Variants in CRB1 observed in about 807,000 individuals in gnomAD.
CRB1 encodes crumbs cell polarity complex component 1.
Under a neutral mutation model 120.0 loss-of-function variants are expected in CRB1, and 83 were observed. The observed-to-expected ratio is 0.69, with a 90% confidence interval of 0.58 to 0.83. The LOEUF (loss-of-function observed/expected upper bound fraction) is 0.83. CRB1 is among the 40% of genes least tolerant of loss of function. CRB1 has a pLI of 0.00. For synonymous variants in CRB1, 625 were observed against 612.5 expected (o/e 1.02, Z -0.30); for missense variants, 1,699 against 1,687.6 (o/e 1.01, Z -0.12).
the CRB1 span, chr1:197,223,241 A>T: frequency 9.4e-7 from 1 of 1,059,074 alleles, no homozygotes; most frequent in Non-Finnish European, 1.4e-6. Context: ...AAACCAGAAG[A>T]TTCGAATAGA....
At chr1:197,470,393 TAGG>T (rs1191824685) in intron 11 of CRB1, among the ~76,000 whole-genome samples, 1 of 152,172 alleles carries the variant, frequency 6.6e-6, no homozygotes, top group Admixed American at 6.5e-5. Flanking sequence ...GTTGAGTTAT[TAGG>T]AGAATTAAAG....
At chr1:197,343,393 T>C (rs1659582004) in intron 2 of CRB1, among the ~76,000 whole-genome samples, 1 of 152,206 alleles carries the variant, frequency 6.6e-6, no homozygotes, top group South Asian at 2.1e-4. Flanking sequence ...AAATAGTTTG[T>C]TATTTAAATA....
chr1:197,204,069 C>T, the CRB1 span, among the ~76,000 whole-genome samples: 1 of 152,112 alleles, frequency 6.6e-6, no homozygotes, highest in Non-Finnish European at 1.5e-5. Flanking sequence ...TCCTGAGTTA[C>T]TTCACTTAGA....
intron 10 of CRB1, chr1:197,440,963 C>G (rs999515974): frequency 2.0e-5 from 3 of 152,210 alleles, no homozygotes; most frequent in Non-Finnish European, 4.4e-5. Context: ...AATGTCTCAG[C>G]TATGCTTGGT....
intron 5 of CRB1, among the ~76,000 whole-genome samples, chr1:197,389,240 T>G (rs974751457): frequency 1.3e-5 from 2 of 152,082 alleles, no homozygotes; most frequent in African/African-American, 4.8e-5. Flanking sequence ...TTATTCACAA[T>G]AGCCAAAGAT....
chr1:197,336,036 A>G (rs1285279977), intron 2 of CRB1, among the ~76,000 whole-genome samples: 4 of 152,226 alleles, frequency 2.6e-5, no homozygotes, highest in East Asian at 1.9e-4. Context: ...ATTGCCATGC[A>G]GTGTCTTTCA....
intron 11 of CRB1, among the ~76,000 whole-genome samples, chr1:197,445,390 G>A (rs550984676): frequency 1.1e-4 from 17 of 152,272 alleles, no homozygotes; most frequent in South Asian, 6.2e-4. Flanking sequence ...GAGAGAATAG[G>A]CAAATTTGGA....
chr1:197,233,007 G>A, the CRB1 span, among the ~76,000 whole-genome samples: 3 of 151,758 alleles, frequency 2.0e-5, no homozygotes, highest in African/African-American at 4.8e-5. Flanking sequence ...TGAAGGTATC[G>A]TTTAAATGGG....
chr1:197,443,299 A>G (rs1258827201), intron 11 of CRB1: 1 of 152,104 alleles, frequency 6.6e-6, no homozygotes, highest in Non-Finnish European at 1.5e-5. Context: ...ACAATTATCT[A>G]GTATCAGTAC....
intron 5 of CRB1, 184 bp downstream of exon 5, chr1:197,357,197 G>A (rs926735954): frequency 1.3e-5 from 9 of 687,102 alleles, no homozygotes; most frequent in African/African-American, 8.8e-5. Context: ...CTCAAATCAC[G>A]AGAGAAATAT....
At chr1:197,206,645 C>A in the CRB1 span, among the ~76,000 whole-genome samples, 1 of 152,034 alleles carries the variant, frequency 6.6e-6, no homozygotes, top group Non-Finnish European at 1.5e-5. Context: ...TTTATTGAGA[C>A]TCATTTTGTG....
chr1:197,271,205 TAAAA>T (rs1041050136), intron 1 of CRB1, among the ~76,000 whole-genome samples: 1 of 151,952 alleles, frequency 6.6e-6, no homozygotes, highest in Non-Finnish European at 1.5e-5. Context: ...TCTCAAGAAA[TAAAA>T]AGAAAGGGAG....
chr1:197,221,945 G>C, the CRB1 span, among the ~76,000 whole-genome samples: 1 of 152,060 alleles, frequency 6.6e-6, no homozygotes, highest in Non-Finnish European at 1.5e-5. Context: ...GGCAACTACA[G>C]ATCTTTCCAA....
chr1:197,422,761 T>C (rs1664400795), intron 6 of CRB1: 1 of 152,152 alleles, frequency 6.6e-6, no homozygotes, highest in Admixed American at 6.5e-5. Flanking sequence ...GTCTGAGAGG[T>C]AATTGTAACG....
At chr1:197,353,730 G>A (rs186307668) in intron 4 of CRB1, among the ~76,000 whole-genome samples, 3 of 148,724 alleles carry the variant, frequency 2.0e-5, no homozygotes, top group East Asian at 2.0e-4. Flanking sequence ...GAACCCAGCA[G>A]ATGGAGGCTG....
intron 11 of CRB1, among the ~76,000 whole-genome samples, chr1:197,470,583 C>A (rs1016329353): frequency 1.3e-5 from 2 of 152,184 alleles, no homozygotes; most frequent in African/African-American, 4.8e-5. Flanking sequence ...AGGCCATGTG[C>A]TCCAAAGAAA....
At chr1:197,251,969 A>G in the CRB1 span, among the ~76,000 whole-genome samples, 43 of 152,120 alleles carry the variant, frequency 2.8e-4, no homozygotes, top group South Asian at 1.5e-3. Context: ...GTAGCCATTA[A>G]TATTTTTAGG....
At chr1:197,300,882 A>G (rs1194044184) in intron 1 of CRB1, among the ~76,000 whole-genome samples, 1 of 152,142 alleles carries the variant, frequency 6.6e-6, no homozygotes, top group Admixed American at 6.5e-5. Context: ...TCATTCAGAA[A>G]ATTCTAGGCC....
chr1:197,325,051 T>C (rs933044615), intron 1 of CRB1, among the ~76,000 whole-genome samples: 3 of 152,232 alleles, frequency 2.0e-5, no homozygotes, highest in South Asian at 2.1e-4. Context: ...TCAAAAGAGG[T>C]CAAAGTAAGA....
Sources: allele counts gnomAD v4.1 joint callset (sites outside exome capture counted in the v4.1 genomes callset), GRCh38; gene constraint gnomAD v4.1.1; transcripts MANE v1.5; gene names NCBI Gene and HGNC (gene_info 2026-07-23, HGNC 2026-07-21).